The following GPR180 variants were observed in gnomAD, a reference collection of about 807,000 sequenced individuals.
GPR180 encodes the protein G protein-coupled receptor 180, also known as integral membrane protein GPR180.
In GPR180, 53 loss-of-function variants were observed where a neutral mutation model predicts 52.6. The observed-to-expected ratio is 1.01, with a 90% CI of 0.81 to 1.27. The LOEUF is 1.27. Among genes scored for constraint, GPR180 ranks in the 50% most tolerant of loss-of-function variants. GPR180 has a pLI of 0.00. For synonymous variants in GPR180, 200 were observed against 193.1 expected, an observed-to-expected ratio of 1.04 and a Z score of -0.30; for missense variants, 533 against 527.0, an observed-to-expected ratio of 1.01 and a Z score of -0.11.
Position 94,633,158 on chromosome 13 carries a change from A to C in GPR180, c.*5987A>C, listed in dbSNP as rs1019082531. On this transcript the variant is annotated 3_prime_UTR_variant, in exon 9 of 9. Coordinates refer to ENST00000376958, the MANE Select transcript of GPR180 (RefSeq NM_180989.6). ...TATAGAACCTGAAGGTATTGTGGGG[A>C]CCCCTGAACTTGCAGCCAGTTGGTC... 1 of 152,110 alleles carries C rather than the reference A, an allele frequency of 6.6e-6. No individual in the cohort carries two copies. Among genetic ancestry groups the C allele is most frequent in the Non-Finnish European group, 1.5e-5 (1 of 68,046 alleles). 9.4% of individuals were successfully genotyped at this position (152,110 alleles called of 1,614,324 possible).
intron 2 of GPR180, among the ~76,000 whole-genome samples, chr13:94,611,746 GCAATGATGGGAACATGAC>G (rs1307379208): frequency 6.6e-6 from 1 of 151,938 alleles, no homozygotes; most frequent in East Asian, 1.9e-4. Flanking sequence ...TTGCCCGTCC[GCAATGATGGGAACATGAC>G]CAATGTGCCC....
At chr13:94,611,517 C>T (rs936089341) in intron 2 of GPR180, among the ~76,000 whole-genome samples, 3 of 152,078 alleles carry the variant, frequency 2.0e-5, no homozygotes, top group South Asian at 2.1e-4. Context: ...TTAACCAACC[C>T]GGAAACTGTG....
chr13:94,612,349 C>T lies in GPR180; in HGVS notation c.464C>T (p.Ala155Val). The T allele has an allele frequency of 6.2e-7, 1 of 1,613,262 alleles. No individual in the cohort carries two copies. The highest frequency in any genetic ancestry group is 8.5e-7 in the Non-Finnish European group (1 of 1,179,284). ...PFEMVLLNPD[A>V]EGNPFDHFSA... ...GAAATGGTGTTACTAAACCCAGATG[C>T]CGAAGGGAATCCATTTGATCATTTT... Residue 155 changes from alanine (A) to valine (V), a missense_variant, in exon 3 of 9, where the codon GCC becomes GTC. Transcript: ENST00000376958.
In GPR180 at chr13:94,628,980, A is replaced by G. The variant is rs116731685; in HGVS notation, c.*1809A>G. The G allele has an allele frequency of 2.6e-3, 401 of 152,220 alleles. 2 individuals carry two copies. Among genetic ancestry groups the G allele is most frequent in the African/African-American group, 9.2e-3 (381 of 41,568 alleles). 9.4% of individuals were successfully genotyped at this position (152,220 alleles called of 1,614,324 possible). On this transcript the variant is annotated 3_prime_UTR_variant, in exon 9 of 9. Transcript: ENST00000376958. Reference sequence around the variant, plus strand: ...AGTAACTGCAATTAACATATATGAAATTTATTACTCTGCTTGCATTTATGA... The same window carrying G: ...AGTAACTGCAATTAACATATATGAAGTTTATTACTCTGCTTGCATTTATGA...
intron 7 of GPR180, 151 bp downstream of exon 7, chr13:94,623,451 C>A: frequency 3.4e-6 from 2 of 591,152 alleles, no homozygotes; most frequent in Non-Finnish European, 5.8e-6. Flanking sequence ...TTTGGAAGGC[C>A]AAGACAGACA....
intron 2 of GPR180, among the ~76,000 whole-genome samples, chr13:94,608,424 T>C (rs1889660965): frequency 6.6e-6 from 1 of 152,206 alleles, no homozygotes; most frequent in Non-Finnish European, 1.5e-5. Context: ...CAGAGGTATA[T>C]TTTGAAATTG....
In GPR180 at chr13:94,622,369, G is replaced by A. The variant is rs141439743; in HGVS notation, c.895-740G>A. ...TTAATTTATTGTCATAGACAAATATGAATTGAGAACTGAGATAATATTACA... is the reference window on the plus strand; with the variant it reads ...TTAATTTATTGTCATAGACAAATATAAATTGAGAACTGAGATAATATTACA... On this transcript the variant is annotated intron_variant, in intron 6 of 8. Coordinates refer to ENST00000376958, the MANE Select transcript of GPR180 (RefSeq NM_180989.6). Among the ~76,000 whole-genome samples, 483 of 152,148 alleles carry A rather than the reference G, an allele frequency of 3.2e-3. 1 individual carries two copies. The highest frequency in any genetic ancestry group is 0.014 in the Middle Eastern group (4 of 294).
chr13:94,615,953 A>G (rs77659750), intron 3 of GPR180, among the ~76,000 whole-genome samples: 1,546 of 152,338 alleles, frequency 0.01, 30 homozygotes, highest in African/African-American at 0.034. Flanking sequence ...AGTGGTGTAG[A>G]CTGTAATGAA....
In GPR180 at chr13:94,626,020, T is replaced by C. The variant is rs536262987; in HGVS notation, c.1141T>C (p.Phe381Leu). ...AGTTCTTGCATGCATTTCTGTCATT[T>C]TTAGCGACTACCAAAGAGACAAGGT... is the stretch of plus-strand genomic sequence containing the variant. ...HPVLACISVI[F>L]SDYQRDKVIT... The change falls in exon 8 of 9, where the codon TTT (phenylalanine) becomes CTT (leucine). Residue 381 changes from phenylalanine (F) to leucine (L), a missense_variant. Coordinates refer to ENST00000376958, the MANE Select transcript of GPR180 (RefSeq NM_180989.6). The C allele has an allele frequency of 2.6e-5, 42 of 1,611,350 alleles. 1 individual carries two copies. In the South Asian group the frequency reaches 4.4e-4, roughly 17 times the overall value.
At chr13:94,612,129 C>G in intron 2 of GPR180, 61 bp from the exon 3 acceptor site, 1 of 1,327,276 alleles carries the variant, frequency 7.5e-7, no homozygotes, top group South Asian at 1.2e-5. Context: ...GATTATATGA[C>G]TAAAACAGTG....
chr13:94,634,625 T>C lies in GPR180; in HGVS notation c.*7454T>C, dbSNP rs1183549615. 1 of 152,198 alleles carries C rather than the reference T, an allele frequency of 6.6e-6. No individual in the cohort carries two copies. The highest frequency in any genetic ancestry group is 1.9e-4 in the East Asian group (1 of 5,200). The allele number at this position is 152,198 out of a possible 1,614,324, so 9.4% of individuals were successfully genotyped here. On this transcript the variant is annotated 3_prime_UTR_variant, in exon 9 of 9. Transcript: ENST00000376958. ...GAATTCTTCTAACAGTTGTAATAAATTTCTGGTTGGCTCTCTTGTGTTTTC... is the reference window on the plus strand; with the variant it reads ...GAATTCTTCTAACAGTTGTAATAAACTTCTGGTTGGCTCTCTTGTGTTTTC...
chr13:94,617,051 C>CT (rs1240040942), intron 3 of GPR180, among the ~76,000 whole-genome samples: 1 of 152,098 alleles, frequency 6.6e-6, no homozygotes, highest in African/African-American at 2.4e-5. Context: ...AGATTATTAA[C>CT]TTTGAATAAT....
At chr13:94,614,573 C>T (rs1281496038) in intron 3 of GPR180, among the ~76,000 whole-genome samples, 1 of 152,210 alleles carries the variant, frequency 6.6e-6, no homozygotes, top group Non-Finnish European at 1.5e-5. Flanking sequence ...CTGAACCTTG[C>T]CTATGTCTTC....
chr13:94,623,211 C>G lies in GPR180; in HGVS notation c.997C>G (p.Leu333Val), dbSNP rs1056449404. ...GILLIVLRICLALSLGCGLYQ... is the reference protein window; with the variant it reads ...GILLIVLRICVALSLGCGLYQ... ...CCTCCTAATTGTTCTAAGAATTTGC[C>G]TAGCATTGTCATTAGGCTGTGGACT... The change falls in exon 7 of 9, where the codon CTA (leucine) becomes GTA (valine). Residue 333 changes from leucine to valine, a missense_variant. By Grantham distance (32) the Leu-to-Val change is conservative. Coordinates refer to ENST00000376958, the MANE Select transcript of GPR180 (RefSeq NM_180989.6). 1.3e-5 allele frequency: 21 copies of G among 1,613,950 alleles called. No individual in the cohort carries two copies. Among genetic ancestry groups the G allele is most frequent in the Non-Finnish European group, 1.8e-5 (21 of 1,179,888 alleles).
intron 3 of GPR180, 100 bp from the exon 4 acceptor site, chr13:94,619,050 A>C: frequency 2.1e-6 from 2 of 956,708 alleles, no homozygotes; most frequent in East Asian, 5.0e-5. Context: ...CCAGTTAAAA[A>C]ACAAGTTCTA....
intron 1 of GPR180, among the ~76,000 whole-genome samples, chr13:94,604,452 G>A (rs1159837698): frequency 6.6e-6 from 1 of 152,062 alleles, no homozygotes; most frequent in South Asian, 2.1e-4. Context: ...GCGCATGCCT[G>A]TAATCCCAGC....
Position 94,615,195 on chromosome 13 carries a change from A to G in GPR180, c.505+2805A>G, listed in dbSNP as rs1034967090. 1.3e-4 allele frequency among the ~76,000 whole-genome samples: 20 copies of G among 152,324 alleles called. No homozygotes were observed. The Middle Eastern group carries it at 0.01, about 78-fold the overall frequency. ...AGTCCATATTTCACATTGTTTTAGT[A>G]ATGTGTTTTAAAATACAGCCTTAAG... On this transcript the variant is annotated intron_variant, in intron 3 of 8. Coordinates refer to ENST00000376958, the MANE Select transcript of GPR180 (RefSeq NM_180989.6).
At chr13:94,624,665 C>A (rs1404158101) in intron 7 of GPR180, among the ~76,000 whole-genome samples, 1 of 149,422 alleles carries the variant, frequency 6.7e-6, no homozygotes, top group Non-Finnish European at 1.5e-5. Flanking sequence ...TCATGCCATT[C>A]TCCTGCCTCA....
At position 94,627,018 on chromosome 13, in the gene GPR180, T is replaced by C. The variant is rs1369795255; in HGVS notation, c.1170T>C (p.Ile390=). The C allele has an allele frequency of 6.3e-7, 1 of 1,589,624 alleles. No homozygotes were observed. Among genetic ancestry groups the C allele is most frequent in the East Asian group, 2.2e-5 (1 of 44,576 alleles). ...IFSDYQRDKV[I]TIGVILCQSV... ...TCCTTTCCTTTTCTTTTCAGGTTAT[T>C]ACAATAGGTGTTATCCTTTGCCAGT... is the stretch of plus-strand genomic sequence containing the variant. Residue 390 remains isoleucine, a synonymous_variant, in exon 9 of 9, where the codon ATT becomes ATC. Transcript: ENST00000376958.
Sources: gnomAD v4.1 joint callset for allele counts (sites outside exome capture counted in the v4.1 genomes callset) on GRCh38, gnomAD v4.1.1 for gene constraint, MANE v1.5 for transcripts, NCBI Gene and HGNC (gene_info 2026-07-23, HGNC 2026-07-21) for gene names.